Variants in TECRL observed in about 807,000 individuals in gnomAD.
TECRL encodes trans-2,3-enoyl-CoA reductase-like.
A neutral mutation model predicts 52.8 loss-of-function variants in TECRL; 63 were observed. That is an observed-to-expected ratio of 1.19 (90% CI 0.97 to 1.47). The LOEUF (loss-of-function observed/expected upper bound fraction) is 1.47. Among genes scored for constraint, TECRL ranks in the 40% most tolerant of loss-of-function variants. The probability of loss-of-function intolerance (pLI) is 0.00; values close to 1 mark genes in which losing one functional copy is unlikely to be tolerated. For missense variants in TECRL, 482 were observed against 429.6 expected (o/e 1.12, Z -1.08); for synonymous variants, 164 against 141.9 (o/e 1.16, Z -1.10).
chr4:64,379,099 T>C (rs1465658622), intron 1 of TECRL, among the ~76,000 whole-genome samples: 2 of 152,076 alleles, frequency 1.3e-5, no homozygotes, highest in Non-Finnish European at 2.9e-5. Context: ...ATTGATTTTG[T>C]CAAAGTATTT....
At chr4:64,312,328 C>T (rs1717073570) in intron 5 of TECRL, among the ~76,000 whole-genome samples, 1 of 152,132 alleles carries the variant, frequency 6.6e-6, no homozygotes. Context: ...GTACCTAAAA[C>T]TAGATACCTA....
chr4:64,312,702 G>A (rs890798956), intron 5 of TECRL, among the ~76,000 whole-genome samples: 2 of 151,042 alleles, frequency 1.3e-5, no homozygotes, highest in Non-Finnish European at 2.9e-5. Flanking sequence ...GAAGAGTGAG[G>A]CTGCAGTGAG....
At chr4:64,318,400 A>C (rs1717659176) in intron 4 of TECRL, among the ~76,000 whole-genome samples, 1 of 152,068 alleles carries the variant, frequency 6.6e-6, no homozygotes, top group Non-Finnish European at 1.5e-5. Context: ...TTTAAAGAGA[A>C]TAATGGACAA....
chr4:64,320,392 A>C (rs2110025436), intron 4 of TECRL, among the ~76,000 whole-genome samples: 1 of 152,110 alleles, frequency 6.6e-6, no homozygotes, highest in Admixed American at 6.5e-5. Flanking sequence ...TGCATAATTT[A>C]GTTGATCTGA....
intron 2 of TECRL, among the ~76,000 whole-genome samples, chr4:64,345,903 A>G (rs1719920438): frequency 1.4e-5 from 2 of 138,468 alleles, no homozygotes; most frequent in African/African-American, 5.5e-5. Flanking sequence ...GGGTGCCTCA[A>G]CAGCAAAAAA....
chr4:64,335,598 C>A (rs1272932831), intron 2 of TECRL, among the ~76,000 whole-genome samples: 1 of 152,084 alleles, frequency 6.6e-6, no homozygotes, highest in Non-Finnish European at 1.5e-5. Flanking sequence ...TCTCTGGTGC[C>A]AAAAAGGTTG....
In TECRL at chr4:64,279,671, A is replaced by G. The variant is rs1317212385; in HGVS notation, c.*401T>C. On this transcript the variant is annotated 3_prime_UTR_variant, in exon 12 of 12. Coordinates refer to ENST00000381210, the MANE Select transcript of TECRL (RefSeq NM_001010874.5). ...TCTGTATGAATAGTTAATGTTGAGC[A>G]TTTTAAAAATATACTTATTGACCAT... 13 of 511,320 alleles carry G rather than the reference A, an allele frequency of 2.5e-5. No individual in the cohort carries two copies. Among genetic ancestry groups the G allele is most frequent in the Non-Finnish European group, 3.3e-5 (13 of 396,996 alleles). 31.7% of individuals were successfully genotyped at this position (511,320 alleles called of 1,614,324 possible).
chr4:64,322,714 A>T lies in TECRL; in HGVS notation c.410T>A (p.Leu137Gln). ...SSIVTLYATD[L>Q]GQQVSWTTVF... ...TGTGGTCCAACTGACTTGTTGACCT[A>T]GGTCTGTAGCATACAGTGTGACAAT... The change falls in exon 4 of 12, where the codon CTA (leucine) becomes CAA (glutamine). Residue 137 changes from leucine (L) to glutamine (Q), a missense_variant. Leu to Gln is a moderately radical substitution (Grantham distance 113). Coordinates refer to ENST00000381210, the MANE Select transcript of TECRL (RefSeq NM_001010874.5). The T allele has an allele frequency of 6.2e-7, 1 of 1,608,012 alleles. No homozygotes were observed. Among genetic ancestry groups the T allele is most frequent in the Non-Finnish European group, 8.5e-7 (1 of 1,176,760 alleles).
rs530765974 is a variant in TECRL, at chr4:64,406,458, T to A, written c.234+2660A>T. On this transcript the variant is annotated intron_variant, in intron 1 of 11. Coordinates refer to ENST00000381210, the MANE Select transcript of TECRL (RefSeq NM_001010874.5). ...AGTCAAATTTAAATTCTTAGCAAGT[T>A]ATCAAAAGGCTCAGCATTTGTTATT... 5.9e-5 allele frequency among the ~76,000 whole-genome samples: 9 copies of A among 152,024 alleles called. No homozygotes were observed. In the South Asian group the frequency reaches 1.2e-3, roughly 21 times the overall value.
chr4:64,340,689 G>A (rs1719505933), intron 2 of TECRL, among the ~76,000 whole-genome samples: 1 of 152,208 alleles, frequency 6.6e-6, no homozygotes, highest in African/African-American at 2.4e-5. Flanking sequence ...GTAGGAAGCA[G>A]ACAGGCTCCT....
At chr4:64,326,594 T>C (rs1301807592) in intron 3 of TECRL, among the ~76,000 whole-genome samples, 2 of 152,038 alleles carry the variant, frequency 1.3e-5, no homozygotes, top group African/African-American at 4.8e-5. Flanking sequence ...TCCAAACTAT[T>C]TTGCTGAGGG....
intron 2 of TECRL, among the ~76,000 whole-genome samples, chr4:64,368,288 TTTTTGTTTG>T (rs1188753770): frequency 9.7e-5 from 3 of 30,778 alleles, no homozygotes; most frequent in Non-Finnish European, 4.2e-4. Context: ...TTGTTTTCTT[TTTTTGTTTG>T]TTTGTTTGTT....
chr4:64,327,246 C>A (rs2110041894), intron 3 of TECRL, among the ~76,000 whole-genome samples: 1 of 152,004 alleles, frequency 6.6e-6, no homozygotes, highest in Admixed American at 6.6e-5. Context: ...GACACTGCGA[C>A]AACTATATTT....
chr4:64,393,702 T>C (rs1164316746), intron 1 of TECRL, among the ~76,000 whole-genome samples: 1 of 151,736 alleles, frequency 6.6e-6, no homozygotes, highest in African/African-American at 2.4e-5. Context: ...ATCTAATATA[T>C]TTATTGTTAA....
chr4:64,363,944 G>A (rs183229594), intron 2 of TECRL, among the ~76,000 whole-genome samples: 2 of 152,082 alleles, frequency 1.3e-5, no homozygotes, highest in East Asian at 3.9e-4. Flanking sequence ...ACATAATACT[G>A]CACCCCTAAA....
At chr4:64,362,848 A>ATATT (rs1721292926) in intron 2 of TECRL, among the ~76,000 whole-genome samples, 1 of 152,142 alleles carries the variant, frequency 6.6e-6, no homozygotes, top group Non-Finnish European at 1.5e-5. Context: ...TTAAATATCT[A>ATATT]TATTAACCTC....
chr4:64,286,352 C>A (rs1723081054), intron 9 of TECRL, among the ~76,000 whole-genome samples: 1 of 151,596 alleles, frequency 6.6e-6, no homozygotes, highest in African/African-American at 2.4e-5. Flanking sequence ...TAATATTCAA[C>A]AGAACAGAGG....
intron 2 of TECRL, among the ~76,000 whole-genome samples, chr4:64,363,978 C>T (rs1721405409): frequency 6.6e-6 from 1 of 151,896 alleles, no homozygotes; most frequent in African/African-American, 2.4e-5. Flanking sequence ...ATTTTCACAC[C>T]ACACGTAATC....
At chr4:64,282,403 T>C (rs1722873942) in intron 9 of TECRL, among the ~76,000 whole-genome samples, 2 of 152,214 alleles carry the variant, frequency 1.3e-5, no homozygotes, top group Admixed American at 1.3e-4. Context: ...GTCAGTGTGT[T>C]GTTTTCAAAA....
Sources: gnomAD v4.1 joint callset for allele counts (sites outside exome capture counted in the v4.1 genomes callset) on GRCh38, gnomAD v4.1.1 for gene constraint, MANE v1.5 for transcripts, NCBI Gene and HGNC (gene_info 2026-07-23, HGNC 2026-07-21) for gene names.